The following CNTNAP1 variants were observed in gnomAD, a reference collection of about 807,000 sequenced individuals.
CNTNAP1 encodes the protein contactin-associated protein 1.
CNTNAP1 carries 80 observed loss-of-function variants against 161.5 expected under a neutral mutation model. The observed-to-expected ratio is 0.50, with a 90% CI of 0.41 to 0.60. The LOEUF (loss-of-function observed/expected upper bound fraction) is 0.60. CNTNAP1 is among the 20% of genes least tolerant of loss of function. The pLI, the probability that CNTNAP1 is intolerant of heterozygous loss-of-function variation, is 0.00. For synonymous variants in CNTNAP1, 695 were observed against 733.1 expected, an observed-to-expected ratio of 0.95 and a Z score of 0.84; for missense variants, 1,464 against 1,854.8, an observed-to-expected ratio of 0.79 and a Z score of 3.87.
At position 42,682,638 on chromosome 17, in the gene CNTNAP1, G is replaced by A; in HGVS notation, c.-192G>A. The A allele has an allele frequency of 1.9e-6, 1 of 532,468 alleles. No individual in the cohort carries two copies. The highest frequency in any genetic ancestry group is 2.4e-5 in the South Asian group (1 of 41,214). 33.0% of individuals were successfully genotyped at this position (532,468 alleles called of 1,614,324 possible). On this transcript the variant is annotated 5_prime_UTR_variant, in exon 1 of 24. Coordinates refer to ENST00000264638, the MANE Select transcript of CNTNAP1 (RefSeq NM_003632.3). Reference sequence around the variant, plus strand: ...GAAGAGCGGAGGACCAGGAACCAGAGAGAGAGAGAGAGAAAAGAGAGAGGA... The same window carrying A: ...GAAGAGCGGAGGACCAGGAACCAGAAAGAGAGAGAGAGAAAAGAGAGAGGA...
At chr17:42,689,972 C>T (rs2053064124) in intron 11 of CNTNAP1, 116 bp from the exon 12 acceptor site, 1 of 1,192,110 alleles carries the variant, frequency 8.4e-7, no homozygotes, top group African/African-American at 1.5e-5. Context: ...AACTCCTGAC[C>T]TCGGGTGATG....
At chr17:42,695,492 G>A in intron 18 of CNTNAP1, 29 bp from the exon 19 acceptor site, 3 of 1,550,356 alleles carry the variant, frequency 1.9e-6, no homozygotes, top group African/African-American at 2.7e-5. Flanking sequence ...GCAGTGTGGG[G>A]GCCCTAACCT....
At position 42,689,547 on chromosome 17, in the gene CNTNAP1, A is replaced by G. The variant is rs1232601213; in HGVS notation, c.1655A>G (p.Asp552Gly). The G allele has an allele frequency of 6.2e-7, 1 of 1,613,526 alleles. No individual in the cohort carries two copies. The highest frequency in any genetic ancestry group is 8.5e-7 in the Non-Finnish European group (1 of 1,179,772). Reference sequence around the variant, plus strand: ...TGCAGCCCTAACATGTGTGAGCATGATGGACGCTGCTACCAGTCTTGGGAT... The same window carrying G: ...TGCAGCCCTAACATGTGTGAGCATGGTGGACGCTGCTACCAGTCTTGGGAT... Reference protein sequence around the residue: ...DRCSPNMCEHDGRCYQSWDDF... With the variant: ...DRCSPNMCEHGGRCYQSWDDF... The change falls in exon 11 of 24, where the codon GAT becomes GGT. Residue 552 changes from aspartate (D) to glycine (G), a missense_variant. Transcript: ENST00000264638.
chr17:42,698,532 T>TGA, intron 23 of CNTNAP1, 86 bp from the exon 24 acceptor site: 2 of 1,100,164 alleles, frequency 1.8e-6, no homozygotes, highest in Non-Finnish European at 2.5e-6. Flanking sequence ...TCTCAAAGAG[T>TGA]GCGTGTGTGT....
rs1484373721 is a variant in CNTNAP1 at position 42,684,115 on chromosome 17, G to A, written c.249G>A (p.Arg83=). The change falls in exon 3 of 24, where the codon CGG becomes CGA. Residue 83 remains arginine (R), a synonymous_variant. Coordinates refer to ENST00000264638, the MANE Select transcript of CNTNAP1 (RefSeq NM_003632.3). The part of the protein sequence containing the change: ...QIDLMKKHRI[R]AVATQGSFNS... ...ACTTAATGAAGAAGCACCGGATCCG[G>A]GCCGTGGCCACACAGGGCTCCTTTA... is the stretch of plus-strand genomic sequence containing the variant. 5 of 1,614,086 alleles carry A rather than the reference G, an allele frequency of 3.1e-6. No individual in the cohort carries two copies. Among genetic ancestry groups the A allele is most frequent in the Non-Finnish European group, 4.2e-6 (5 of 1,180,046 alleles).
Position 42,682,837 on chromosome 17 carries a change from A to T in CNTNAP1, c.8A>T (p.His3Leu). MM[H>L]LRLFCILLAA... ...CGGGACCGTCAGCCCTGCATGATGC[A>T]TCTCCGGCTCTTCTGCATCCTGCTC... is the stretch of plus-strand genomic sequence containing the variant. The change falls in exon 1 of 24, where the codon CAT becomes CTT. Residue 3 changes from histidine (H) to leucine (L), a missense_variant. Transcript: ENST00000264638. The T allele has an allele frequency of 6.3e-7, 1 of 1,583,078 alleles. No homozygotes were observed. Among genetic ancestry groups the T allele is most frequent in the Non-Finnish European group, 8.6e-7 (1 of 1,165,986 alleles).
In CNTNAP1 at chr17:42,686,946, C is replaced by A. The variant is rs2053024246; in HGVS notation, c.944C>A (p.Ala315Asp). The change falls in exon 7 of 24, where the codon GCC (alanine) becomes GAC (aspartate). Residue 315 changes from alanine (A) to aspartate (D), a missense_variant. By Grantham distance (126) the Ala-to-Asp change is moderately radical. Around this residue, in one of 3 missense-constraint regions of CNTNAP1, gnomAD observed 1,383 missense variants for 1,765.0 expected, o/e 0.78. Coordinates refer to ENST00000264638, the MANE Select transcript of CNTNAP1 (RefSeq NM_003632.3). The stretch of plus-strand genomic sequence containing the variant: ...GTGGGCGCCGCGCGGAAGAACCTGG[C>A]CTATCGGCATAACTTCCGCGGCTGC... ...GLVGAARKNL[A>D]YRHNFRGCIE... 1.2e-6 allele frequency: 2 copies of A among 1,613,740 alleles called. No individual in the cohort carries two copies. The highest frequency in any genetic ancestry group is 1.7e-6 in the Non-Finnish European group (2 of 1,179,778).
intron 12 of CNTNAP1, 69 bp from the exon 13 acceptor site, chr17:42,690,670 G>C (rs2053073255): frequency 6.7e-7 from 1 of 1,501,072 alleles, no homozygotes; most frequent in South Asian, 1.2e-5. Flanking sequence ...AGCGGTGGTG[G>C]AGGTGGGCAG....
At chr17:42,696,235 A>G in intron 20 of CNTNAP1, 83 bp downstream of exon 20, 1 of 1,508,570 alleles carries the variant, frequency 6.6e-7, no homozygotes. Flanking sequence ...CAAATACTTA[A>G]TATTTGTAGA....
Position 42,684,165 on chromosome 17 carries a change from A to T in CNTNAP1, c.299A>T (p.Tyr100Phe), listed in dbSNP as rs1483858593. ...SFNSWDWVTR[Y>F]MLLYGDRVDS... ...AATTCTTGGGACTGGGTCACACGTT[A>T]CATGCTACTCTACGGCGACCGAGTG... Residue 100 changes from tyrosine to phenylalanine, a missense_variant, in exon 3 of 24, where the codon TAC becomes TTC. Around this residue, in one of 3 missense-constraint regions of CNTNAP1, gnomAD observed 1,383 missense variants for 1,765.0 expected, o/e 0.78. Transcript: ENST00000264638. 1.2e-6 allele frequency: 2 copies of T among 1,614,172 alleles called. No homozygotes were observed. Among genetic ancestry groups the T allele is most frequent in the East Asian group, 4.5e-5 (2 of 44,868 alleles).
Position 42,682,646 on chromosome 17 carries a change from GAGAGA to G in CNTNAP1, c.-182_-178del. 1 of 619,408 alleles carries G rather than the reference GAGAGA, an allele frequency of 1.6e-6. No individual in the cohort carries two copies. Among genetic ancestry groups the G allele is most frequent in the Non-Finnish European group, 2.9e-6 (1 of 347,568 alleles). 38.4% of individuals were successfully genotyped at this position (619,408 alleles called of 1,614,324 possible). ...GAGGACCAGGAACCAGAGAGAGAGAGAGAGAAAAGAGAGAGGAGAGACAGAGCGCT... is the reference window on the plus strand; with the variant it reads ...GAGGACCAGGAACCAGAGAGAGAGAGAAAGAGAGAGGAGAGACAGAGCGCT... On this transcript the variant is annotated 5_prime_UTR_variant, in exon 1 of 24. Coordinates refer to ENST00000264638, the MANE Select transcript of CNTNAP1 (RefSeq NM_003632.3).
In CNTNAP1 at chr17:42,690,256, G is replaced by T. The variant is rs748526903; in HGVS notation, c.1855+49G>T. 3.1e-6 allele frequency: 5 copies of T among 1,607,878 alleles called. No homozygotes were observed. In the Admixed American group the frequency reaches 8.3e-5, roughly 27 times the overall value. On this transcript the variant is annotated intron_variant, in intron 12 of 23. Transcript: ENST00000264638. Reference sequence around the variant, plus strand: ...AGGGGGTGAGGGGAGAACCAGGAAGGATAGAGTGGTGGGTGGGGGCCAGTT... The same window carrying T: ...AGGGGGTGAGGGGAGAACCAGGAAGTATAGAGTGGTGGGTGGGGGCCAGTT...
chr17:42,690,969 G>A (rs371783761), intron 13 of CNTNAP1, 27 bp downstream of exon 13: 32 of 1,612,418 alleles, frequency 2.0e-5, no homozygotes, highest in Middle Eastern at 1.7e-4. Flanking sequence ...GGGAGGTGGC[G>A]GAACTGGAGG....
rs2053033689 is a variant in CNTNAP1 at position 42,687,604 on chromosome 17, C to T, written c.1045-116C>T. 7.4e-7 allele frequency: 1 copy of T among 1,358,770 alleles called. No individual in the cohort carries two copies. Among genetic ancestry groups the T allele is most frequent in the Non-Finnish European group, 1.0e-6 (1 of 983,558 alleles). 84.2% of individuals were successfully genotyped at this position (1,358,770 alleles called of 1,614,324 possible). A position where few individuals can be genotyped will look rare whatever the true frequency, so the allele number is the denominator to read the frequency against. ...TCACGTCATGGTTGGAGATCTCACC[C>T]CCGCCAACACCGAAGGAGGGCGGTG... On this transcript the variant is annotated intron_variant, in intron 7 of 23. Transcript: ENST00000264638. The surrounding 1 kb of genome is among the most constrained non-coding windows in gnomAD (Gnocchi z 4.7).
chr17:42,696,499 T>C (rs1341835623), intron 20 of CNTNAP1, among the ~76,000 whole-genome samples: 1 of 152,022 alleles, frequency 6.6e-6, no homozygotes, highest in East Asian at 1.9e-4. Flanking sequence ...AATTTTGTAT[T>C]TTTAGTAGAG....
intron 20 of CNTNAP1, among the ~76,000 whole-genome samples, chr17:42,696,424 A>T (rs999469443): frequency 6.6e-6 from 1 of 151,046 alleles, no homozygotes; most frequent in Non-Finnish European, 1.5e-5. Context: ...CCCGGGTTCA[A>T]GCAATTCTTC....
At chr17:42,698,556 TG>T in intron 23 of CNTNAP1, 61 bp from the exon 24 acceptor site, 1 of 1,329,702 alleles carries the variant, frequency 7.5e-7, no homozygotes, top group Non-Finnish European at 1.0e-6. Flanking sequence ...TGTGTGTGTG[TG>T]TGTGTGTGTG....
At position 42,697,571 on chromosome 17, in the gene CNTNAP1, C is replaced by A. The variant is rs2143679606; in HGVS notation, c.3586C>A (p.Pro1196Thr). 1 of 1,614,020 alleles carries A rather than the reference C, an allele frequency of 6.2e-7. No individual in the cohort carries two copies. Among genetic ancestry groups the A allele is most frequent in the Non-Finnish European group, 8.5e-7 (1 of 1,179,992 alleles). ...GRVMETGVIDPEIQRYNTPGF... is the reference protein window; with the variant it reads ...GRVMETGVIDTEIQRYNTPGF... Reference sequence around the variant, plus strand: ...TCTCTCAGAGACAGGAGTCATTGACCCGGAGATCCAGCGCTACAACACCCC... The same window carrying A: ...TCTCTCAGAGACAGGAGTCATTGACACGGAGATCCAGCGCTACAACACCCC... The change falls in exon 22 of 24, where the codon CCG (proline) becomes ACG (threonine). Residue 1196 changes from proline (P) to threonine (T), a missense_variant. This residue lies in a region of CNTNAP1 where 1,383 missense variants were observed against 1,765.0 expected (regional missense o/e 0.78). Coordinates refer to ENST00000264638, the MANE Select transcript of CNTNAP1 (RefSeq NM_003632.3).
At position 42,691,792 on chromosome 17, in the gene CNTNAP1, A is replaced by G; in HGVS notation, c.2345-14A>G. 1.2e-6 allele frequency: 2 copies of G among 1,611,738 alleles called. No homozygotes were observed. Among genetic ancestry groups the G allele is most frequent in the Non-Finnish European group, 8.5e-7 (1 of 1,179,178 alleles). ...AATCTCCCTGACAAGACCTTCCTCC[A>G]TCTGCTTTTCTAGGAAATTCCTGGA... On this transcript the variant is annotated splice_polypyrimidine_tract_variant and intron_variant, in intron 15 of 23. Transcript: ENST00000264638. The surrounding 1 kb of genome is among the most constrained non-coding windows in gnomAD (Gnocchi z 4.3).
Sources: gnomAD v4.1 joint callset for allele counts (sites outside exome capture counted in the v4.1 genomes callset) on GRCh38, gnomAD v4.1.1 for gene constraint, gnomAD v4.1.1 regional missense constraint, Gnocchi (gnomAD v3.1) non-coding constraint, MANE v1.5 for transcripts, NCBI Gene and HGNC (gene_info 2026-07-23, HGNC 2026-07-21) for gene names.